Variants in BCL9 observed in about 807,000 individuals in gnomAD.
BCL9 encodes BCL9 transcription coactivator.
BCL9 carries 25 observed loss-of-function variants against 88.5 expected under a neutral mutation model. The ratio of observed to expected loss-of-function variants is 0.28; its 90% CI spans 0.21 to 0.39. The LOEUF (loss-of-function observed/expected upper bound fraction) is 0.39, where lower values mean the gene tolerates loss of function less well. Among genes scored for constraint, BCL9 ranks in the 10% least tolerant of loss-of-function variants. The probability of loss-of-function intolerance (pLI) is 1.00; values close to 1 mark genes in which losing one functional copy is unlikely to be tolerated. For missense variants in BCL9, 1,817 were observed against 1,877.8 expected (o/e 0.97, Z 0.60); for synonymous variants, 711 against 673.3 (o/e 1.06, Z -0.87).
chr1:147,572,926 T>C (rs1201196126), intron 1 of BCL9, among the ~76,000 whole-genome samples: 2 of 152,208 alleles, frequency 1.3e-5, no homozygotes, highest in East Asian at 3.9e-4. Context: ...AATGAGAAGC[T>C]GGGGCTTTGT....
At chr1:147,616,238 T>G (rs1658279549) in intron 7 of BCL9, among the ~76,000 whole-genome samples, 1 of 152,074 alleles carries the variant, frequency 6.6e-6, no homozygotes, top group Admixed American at 6.5e-5. Context: ...AAAATAACAC[T>G]CTTGAGCTAG....
At chr1:147,551,019 G>T (rs587695366) in intron 1 of BCL9, among the ~76,000 whole-genome samples, 1 of 152,194 alleles carries the variant, frequency 6.6e-6, no homozygotes. Flanking sequence ...TCCACTTTTT[G>T]TATCATTTAT....
intron 1 of BCL9, among the ~76,000 whole-genome samples, chr1:147,544,513 G>A (rs1553194085): frequency 6.6e-6 from 1 of 152,212 alleles, no homozygotes; most frequent in Middle Eastern, 3.4e-3. Flanking sequence ...CTCTTGTAGT[G>A]AGCAGCCTAA....
chr1:147,590,849 A>G (rs1045032828), intron 1 of BCL9, among the ~76,000 whole-genome samples: 2 of 152,226 alleles, frequency 1.3e-5, no homozygotes, highest in Non-Finnish European at 2.9e-5. Flanking sequence ...TATGCCCATT[A>G]TTATTAATCG....
chr1:147,558,006 A>G (rs1165356133), intron 1 of BCL9, among the ~76,000 whole-genome samples: 2 of 152,124 alleles, frequency 1.3e-5, no homozygotes, highest in Non-Finnish European at 2.9e-5. Context: ...ATTACTTTAC[A>G]TGCCACTATG....
intron 1 of BCL9, among the ~76,000 whole-genome samples, chr1:147,553,518 C>CT (rs1455638068): frequency 5.9e-5 from 9 of 152,154 alleles, no homozygotes; most frequent in Non-Finnish European, 1.3e-4. Flanking sequence ...GATTTAGGTC[C>CT]TGTTCACCTC....
chr1:147,604,652 AACTG>A (rs1203001853), intron 1 of BCL9, 121 bp from the exon 2 acceptor site: 1 of 101,190 alleles, frequency 9.9e-6, no homozygotes, highest in African/African-American at 7.2e-5. Flanking sequence ...TTTTTGACCT[AACTG>A]TTTTCTTACT....
intron 1 of BCL9, among the ~76,000 whole-genome samples, chr1:147,551,658 C>A (rs1654910024): frequency 6.6e-6 from 1 of 152,102 alleles, no homozygotes; most frequent in Admixed American, 6.6e-5. Context: ...GGAGTGGGCT[C>A]CCGATAAAAG....
Position 147,619,166 on chromosome 1 carries a change from C to T in BCL9, c.1011C>T (p.Ser337=), listed in dbSNP as rs1553204398. ...DPKAPPPPPV[S]SGEPPTLGEN... ...AAGCCCCTCCGCCTCCACCAGTGTC[C>T]AGTGGCGAGCCCCCCACACTGGGAG... Residue 337 remains serine, a synonymous_variant, in exon 8 of 10, where the codon TCC becomes TCT. Transcript: ENST00000234739. This position sits in a 1 kb window ranked among gnomAD's most constrained non-coding sequence, Gnocchi z 4.1. 1 of 1,613,208 alleles carries T rather than the reference C, an allele frequency of 6.2e-7. No homozygotes were observed. Among genetic ancestry groups the T allele is most frequent in the Admixed American group, 1.7e-5 (1 of 59,928 alleles).
chr1:147,598,160 C>T (rs1360121840), intron 1 of BCL9, among the ~76,000 whole-genome samples: 1 of 152,186 alleles, frequency 6.6e-6, no homozygotes, highest in Non-Finnish European at 1.5e-5. Flanking sequence ...AAGAAAAGTC[C>T]GTAAGTCCAT....
chr1:147,611,799 C>G lies in BCL9; in HGVS notation c.-38C>G, dbSNP rs782351092. ...GCAACCCGAGAGGAACTCGGTGAGCCTGTCCCGTTTGTGACTGCAAGCTCA... is the reference window on the plus strand; with the variant it reads ...GCAACCCGAGAGGAACTCGGTGAGCGTGTCCCGTTTGTGACTGCAAGCTCA... On this transcript the variant is annotated 5_prime_UTR_variant, in exon 4 of 10. Transcript: ENST00000234739. 6.2e-7 allele frequency: 1 copy of G among 1,604,758 alleles called. No homozygotes were observed. The highest frequency in any genetic ancestry group is 2.2e-5 in the East Asian group (1 of 44,838).
intron 1 of BCL9, among the ~76,000 whole-genome samples, chr1:147,551,785 A>G (rs1468647692): frequency 1.3e-5 from 2 of 152,124 alleles, no homozygotes; most frequent in Non-Finnish European, 2.9e-5. Flanking sequence ...GACTTTCCAG[A>G]CTCTAGCAAA....
chr1:147,614,926 C>T (rs1658198421), intron 6 of BCL9, among the ~76,000 whole-genome samples: 1 of 148,766 alleles, frequency 6.7e-6, no homozygotes, highest in Non-Finnish European at 1.5e-5. Context: ...GCAACCTCCA[C>T]CTCCTGGGAT....
At chr1:147,605,341 TTTTGTGTTATAACAG>T (rs147080983) in intron 2 of BCL9, among the ~76,000 whole-genome samples, 4 of 152,226 alleles carry the variant, frequency 2.6e-5, no homozygotes, top group Non-Finnish European at 5.9e-5. Context: ...ACACATACAG[TTTTGTGTTATAACAG>T]TTTGTGATTA....
chr1:147,593,445 A>C (rs1397635056), intron 1 of BCL9, among the ~76,000 whole-genome samples: 1 of 151,974 alleles, frequency 6.6e-6, no homozygotes, highest in African/African-American at 2.4e-5. Context: ...CTTATTGCAT[A>C]CTCTGACTCT....
At position 147,613,282 on chromosome 1, in the gene BCL9, G is replaced by T. The variant is rs587659533; in HGVS notation, c.370+83G>T. Reference sequence around the variant, plus strand: ...TCTGACATTCGACAGAGGCCAGAGAGCCTAATATCAGACAAGTGGGGAGAG... The same window carrying T: ...TCTGACATTCGACAGAGGCCAGAGATCCTAATATCAGACAAGTGGGGAGAG... On this transcript the variant is annotated intron_variant, in intron 5 of 9. Transcript: ENST00000234739. 2.2e-5 allele frequency: 32 copies of T among 1,424,826 alleles called. No individual in the cohort carries two copies. The South Asian group carries it at 3.6e-4, about 16-fold the overall frequency. The allele number at this position is 1,424,826 out of a possible 1,614,324, so 88.3% of individuals were successfully genotyped here.
intron 1 of BCL9, among the ~76,000 whole-genome samples, chr1:147,568,168 A>C (rs1310681687): frequency 6.6e-6 from 1 of 152,182 alleles, no homozygotes; most frequent in Non-Finnish European, 1.5e-5. Context: ...AGAAAGTCCT[A>C]GTCTTGTTAC....
chr1:147,549,315 C>G (rs1349655110), intron 1 of BCL9, among the ~76,000 whole-genome samples: 1 of 152,120 alleles, frequency 6.6e-6, no homozygotes, highest in Non-Finnish European at 1.5e-5. Flanking sequence ...CCCCCTAAAG[C>G]TTTTGTTTTT....
At chr1:147,542,832 T>C (rs992188471) in intron 1 of BCL9, among the ~76,000 whole-genome samples, 5 of 152,192 alleles carry the variant, frequency 3.3e-5, no homozygotes, top group East Asian at 3.9e-4. Flanking sequence ...CCTGGTATAG[T>C]AGTTTATTCA....
Sources: gnomAD v4.1 joint callset for allele counts (sites outside exome capture counted in the v4.1 genomes callset) on GRCh38, gnomAD v4.1.1 for gene constraint, Gnocchi (gnomAD v3.1) non-coding constraint, MANE v1.5 for transcripts, NCBI Gene and HGNC (gene_info 2026-07-23, HGNC 2026-07-21) for gene names.